Variants in KHDRBS3 observed in about 807,000 individuals in gnomAD.
KHDRBS3 encodes KH domain-containing, RNA-binding, signal transduction-associated protein 3.
In KHDRBS3, 23 loss-of-function variants were observed where a neutral mutation model predicts 45.6. The observed-to-expected ratio is 0.50, with a 90% CI of 0.36 to 0.72. KHDRBS3 has a LOEUF of 0.72. Among genes scored for constraint, KHDRBS3 ranks in the 30% least tolerant of loss-of-function variants. The probability of loss-of-function intolerance (pLI) is 0.00; values close to 1 mark genes in which losing one functional copy is unlikely to be tolerated. For missense variants in KHDRBS3, 352 were observed against 424.8 expected, an observed-to-expected ratio of 0.83 and a Z score of 1.51; for synonymous variants, 162 against 156.5, an observed-to-expected ratio of 1.04 and a Z score of -0.26.
chr8:135,626,014 C>T (rs921501796), intron 7 of KHDRBS3: 9 of 666,794 alleles, frequency 1.3e-5, no homozygotes, highest in South Asian at 1.7e-5. Context: ...GTCCACTGCC[C>T]GCACCCAGCT....
intron 7 of KHDRBS3, among the ~76,000 whole-genome samples, chr8:135,620,994 G>A (rs755560890): frequency 3.3e-5 from 5 of 152,092 alleles, no homozygotes; most frequent in South Asian, 2.1e-4. Context: ...AATTGATAAC[G>A]TGTAAGTTTG....
intron 7 of KHDRBS3, among the ~76,000 whole-genome samples, chr8:135,643,670 A>G (rs1372390037): frequency 6.6e-6 from 1 of 152,148 alleles, no homozygotes; most frequent in Non-Finnish European, 1.5e-5. Flanking sequence ...CTCTGGTGTC[A>G]TTTTCCTGAG....
chr8:135,518,445 A>AT (rs1383725787), intron 1 of KHDRBS3, among the ~76,000 whole-genome samples: 1 of 152,132 alleles, frequency 6.6e-6, no homozygotes, highest in Non-Finnish European at 1.5e-5. Flanking sequence ...AAGTACTGGG[A>AT]TTACAGGTGT....
Position 135,511,508 on chromosome 8 carries a change from C to G in KHDRBS3, c.89-9729C>G, listed in dbSNP as rs146198376. Among the ~76,000 whole-genome samples, 84 of 151,966 alleles carry G rather than the reference C, an allele frequency of 5.5e-4. No individual in the cohort carries two copies. The East Asian group carries it at 0.015, about 27-fold the overall frequency. ...TATGTGTTGTATGTATATTTAAGGA[C>G]ATTTTACGTACAAATATTTGCTCTG... On this transcript the variant is annotated intron_variant, in intron 1 of 8. Transcript: ENST00000355849.
At chr8:135,599,741 T>C (rs914117318) in intron 6 of KHDRBS3, among the ~76,000 whole-genome samples, 1 of 152,180 alleles carries the variant, frequency 6.6e-6, no homozygotes, top group African/African-American at 2.4e-5. Flanking sequence ...TACAAGTTAT[T>C]GGTTATCATG....
intron 5 of KHDRBS3, among the ~76,000 whole-genome samples, chr8:135,580,772 C>A (rs1446108873): frequency 1.3e-5 from 2 of 151,960 alleles, no homozygotes; most frequent in African/African-American, 4.8e-5. Flanking sequence ...ACCACCGTGC[C>A]CAGCTAATTT....
At chr8:135,531,091 T>G (rs910639370) in intron 2 of KHDRBS3, among the ~76,000 whole-genome samples, 2 of 152,206 alleles carry the variant, frequency 1.3e-5, no homozygotes, top group Non-Finnish European at 2.9e-5. Context: ...TATCCAACCT[T>G]AAGCAAATGC....
intron 1 of KHDRBS3, among the ~76,000 whole-genome samples, chr8:135,476,153 G>GT (rs150374479): frequency 0.027 from 4,131 of 151,488 alleles, 190 homozygotes; most frequent in African/African-American, 0.093. Context: ...CCACTTTTTT[G>GT]TTTTTTTTGA....
At chr8:135,643,395 A>G (rs1831146688) in intron 7 of KHDRBS3, among the ~76,000 whole-genome samples, 1 of 152,170 alleles carries the variant, frequency 6.6e-6, no homozygotes, top group African/African-American at 2.4e-5. Flanking sequence ...AGGCCAAAAG[A>G]ATGAGAACCA....
At chr8:135,556,665 T>G (rs2130828581) in intron 4 of KHDRBS3, among the ~76,000 whole-genome samples, 1 of 152,342 alleles carries the variant, frequency 6.6e-6, no homozygotes. Flanking sequence ...GCAGGACTTC[T>G]TGTAACAAAC....
chr8:135,546,045 G>A (rs1014967033), intron 3 of KHDRBS3, among the ~76,000 whole-genome samples: 7 of 151,986 alleles, frequency 4.6e-5, no homozygotes, highest in Admixed American at 1.3e-4. Flanking sequence ...GCTGAGACAC[G>A]AGAATTGCTT....
At chr8:135,565,425 G>A (rs996321795) in intron 5 of KHDRBS3, among the ~76,000 whole-genome samples, 2 of 152,122 alleles carry the variant, frequency 1.3e-5, no homozygotes, top group South Asian at 4.1e-4. Context: ...AGTAAATATT[G>A]TGCTTTGAAA....
intron 8 of KHDRBS3, among the ~76,000 whole-genome samples, chr8:135,646,396 G>A (rs969870013): frequency 3.3e-5 from 5 of 152,122 alleles, no homozygotes; most frequent in African/African-American, 4.8e-5. Context: ...ACATTATGTC[G>A]TTAAATTCAT....
chr8:135,473,556 G>A (rs2130236983), intron 1 of KHDRBS3, among the ~76,000 whole-genome samples: 1 of 152,126 alleles, frequency 6.6e-6, no homozygotes, highest in South Asian at 2.1e-4. Flanking sequence ...ACAAACTTTG[G>A]CCACAACCTT....
chr8:135,637,324 A>G (rs2131165718), intron 7 of KHDRBS3, among the ~76,000 whole-genome samples: 1 of 152,316 alleles, frequency 6.6e-6, no homozygotes, highest in African/African-American at 2.4e-5. Flanking sequence ...AAAATTCCTA[A>G]CGGTTATTGT....
intron 1 of KHDRBS3, among the ~76,000 whole-genome samples, chr8:135,519,375 C>A (rs1198499463): frequency 1.3e-5 from 2 of 152,190 alleles, no homozygotes; most frequent in African/African-American, 2.4e-5. Flanking sequence ...AGACTGCTGA[C>A]ACTTCAGGTG....
At chr8:135,561,539 GTTT>G (rs11406237) in intron 5 of KHDRBS3, among the ~76,000 whole-genome samples, 2 of 146,836 alleles carry the variant, frequency 1.4e-5, no homozygotes, top group Non-Finnish European at 3.0e-5. Flanking sequence ...TAAGTAATAA[GTTT>G]TTTTTTTTTT....
chr8:135,537,864 T>C (rs1303498740), intron 2 of KHDRBS3, among the ~76,000 whole-genome samples: 1 of 152,204 alleles, frequency 6.6e-6, no homozygotes, highest in African/African-American at 2.4e-5. Context: ...CAAATGAATA[T>C]TAAAATGTAT....
At chr8:135,530,007 G>A (rs192551943) in intron 2 of KHDRBS3, among the ~76,000 whole-genome samples, 23 of 151,122 alleles carry the variant, frequency 1.5e-4, no homozygotes, top group African/African-American at 5.1e-4. Context: ...AGCCGAGATC[G>A]TGCCACTGCA....
Sources: allele counts gnomAD v4.1 joint callset (sites outside exome capture counted in the v4.1 genomes callset), GRCh38; gene constraint gnomAD v4.1.1; transcripts MANE v1.5; gene names NCBI Gene and HGNC (gene_info 2026-07-23, HGNC 2026-07-21).